MARCHF1: variants seen among roughly 807,000 people sequenced by gnomAD.
The protein encoded by MARCHF1 is membrane associated ring-CH-type finger 1.
MARCHF1 carries 40 observed loss-of-function variants against 54.2 expected under a neutral mutation model. The ratio of observed to expected loss-of-function variants is 0.74; its 90% CI spans 0.57 to 0.96. The LOEUF (loss-of-function observed/expected upper bound fraction) is 0.96. MARCHF1 is among the 40% of genes least tolerant of loss of function. MARCHF1 has a pLI of 0.00. For missense variants in MARCHF1, 586 were observed against 656.5 expected, an observed-to-expected ratio of 0.89 and a Z score of 1.17; for synonymous variants, 236 against 236.3, an observed-to-expected ratio of 1.00 and a Z score of 0.01.
chr4:163,797,253 T>C (rs1409030155), intron 4 of MARCHF1, among the ~76,000 whole-genome samples: 1 of 152,106 alleles, frequency 6.6e-6, no homozygotes, highest in Admixed American at 6.6e-5. Context: ...CCTTTGTAAG[T>C]GATCTGTCTT....
intron 1 of MARCHF1, among the ~76,000 whole-genome samples, chr4:164,119,101 A>G: frequency 6.6e-6 from 1 of 151,824 alleles, no homozygotes; most frequent in Non-Finnish European, 1.5e-5. Context: ...GTGAGAATTG[A>G]CTACACATTA....
At chr4:164,239,534 T>C (rs1213289850) in intron 1 of MARCHF1, among the ~76,000 whole-genome samples, 1 of 152,144 alleles carries the variant, frequency 6.6e-6, no homozygotes, top group African/African-American at 2.4e-5. Flanking sequence ...CCTTGACAAC[T>C]TTGATTTTCC....
rs386402121 is a variant in MARCHF1 at position 163,836,761 on chromosome 4, G to GCCA, written c.111+17257_111+17259dup. Reference sequence around the variant, plus strand: ...CCCAATAAACAGTGATACCAAGTGCGCCATTGGCAGCAAAGAGCACTGAGT... The same window carrying GCCA: ...CCCAATAAACAGTGATACCAAGTGCGCCACCATTGGCAGCAAAGAGCACTGAGT... On this transcript the variant is annotated intron_variant, in intron 4 of 9. Coordinates refer to ENST00000514618, the MANE Select transcript of MARCHF1 (RefSeq NM_001394959.1). Among the ~76,000 whole-genome samples, 6 of 148,174 alleles carry GCCA rather than the reference G, an allele frequency of 4.0e-5. No homozygotes were observed. The South Asian group carries it at 8.7e-4, about 21-fold the overall frequency.
At chr4:163,999,615 A>T (rs1293458891) in intron 2 of MARCHF1, among the ~76,000 whole-genome samples, 2 of 151,412 alleles carry the variant, frequency 1.3e-5, no homozygotes, top group Admixed American at 1.3e-4. Context: ...AAAGGATGCA[A>T]TTTTTCATAA....
At chr4:164,269,249 C>A (rs571649419) in intron 1 of MARCHF1, among the ~76,000 whole-genome samples, 10 of 152,212 alleles carry the variant, frequency 6.6e-5, no homozygotes, top group South Asian at 4.1e-4. Context: ...TTCTGCCCAC[C>A]CAGCACACTC....
chr4:163,528,225 T>A lies in MARCHF1; in HGVS notation c.*523A>T, dbSNP rs1224825742. 1 of 153,150 alleles carries A rather than the reference T, an allele frequency of 6.5e-6. No homozygotes were observed. Among genetic ancestry groups the A allele is most frequent in the Non-Finnish European group, 1.5e-5 (1 of 68,464 alleles). The allele number at this position is 153,150 out of a possible 1,614,324, so 9.5% of individuals were successfully genotyped here. On this transcript the variant is annotated 3_prime_UTR_variant, in exon 10 of 10. Coordinates refer to ENST00000514618, the MANE Select transcript of MARCHF1 (RefSeq NM_001394959.1). ...GACTCCACTAAACCATACAAATCTG[T>A]TAGCTGTCAAAGCATATCAAAATAT...
intron 1 of MARCHF1, among the ~76,000 whole-genome samples, chr4:164,344,524 T>C (rs2110856895): frequency 6.6e-6 from 1 of 152,182 alleles, no homozygotes; most frequent in East Asian, 1.9e-4. Flanking sequence ...AAGTGAAGAC[T>C]TTATCTGCAC....
intron 7 of MARCHF1, among the ~76,000 whole-genome samples, chr4:163,600,741 G>T (rs1433060088): frequency 6.6e-6 from 1 of 152,148 alleles, no homozygotes; most frequent in Non-Finnish European, 1.5e-5. Flanking sequence ...GTTAAAGTGG[G>T]CCTCAGAGGG....
chr4:163,978,481 C>T (rs1291498065), intron 3 of MARCHF1, among the ~76,000 whole-genome samples: 2 of 152,056 alleles, frequency 1.3e-5, no homozygotes, highest in South Asian at 2.1e-4. Context: ...TTTGAAGTCT[C>T]ATAACTTTAT....
intron 1 of MARCHF1, among the ~76,000 whole-genome samples, chr4:164,219,985 T>C (rs1388650487): frequency 1.3e-5 from 2 of 151,918 alleles, no homozygotes; most frequent in Non-Finnish European, 2.9e-5. Flanking sequence ...CCAAAGTTTA[T>C]AGTTTTATTG....
chr4:163,732,342 A>T (rs1399924812), intron 4 of MARCHF1, among the ~76,000 whole-genome samples: 1 of 152,114 alleles, frequency 6.6e-6, no homozygotes, highest in South Asian at 2.1e-4. Context: ...TAGTGCAAAC[A>T]TTTAAAGTGA....
intron 4 of MARCHF1, among the ~76,000 whole-genome samples, chr4:163,809,534 T>A (rs1490594974): frequency 6.6e-6 from 1 of 152,190 alleles, no homozygotes; most frequent in African/African-American, 2.4e-5. Context: ...TCTACTATTA[T>A]GAAGTCCTCC....
intron 2 of MARCHF1, among the ~76,000 whole-genome samples, chr4:164,085,489 CAGAT>C (rs1274755878): frequency 1.3e-5 from 2 of 151,730 alleles, no homozygotes; most frequent in African/African-American, 2.4e-5. Context: ...TCTGAATACT[CAGAT>C]AGAAGAAAAT....
intron 5 of MARCHF1, among the ~76,000 whole-genome samples, chr4:163,619,519 T>C (rs1256220660): frequency 6.6e-6 from 1 of 152,166 alleles, no homozygotes; most frequent in Non-Finnish European, 1.5e-5. Context: ...CTAAATGTAG[T>C]ATAATTCTAG....
chr4:163,897,429 A>G (rs534606028), intron 3 of MARCHF1, among the ~76,000 whole-genome samples: 4 of 152,278 alleles, frequency 2.6e-5, no homozygotes, highest in African/African-American at 9.6e-5. Flanking sequence ...CTAAGCAAAA[A>G]GAGCAAATCC....
At chr4:164,182,780 T>G (rs1216669704) in intron 1 of MARCHF1, among the ~76,000 whole-genome samples, 1 of 152,042 alleles carries the variant, frequency 6.6e-6, no homozygotes, top group Non-Finnish European at 1.5e-5. Context: ...AATTAGTAAT[T>G]TGATATTCTT....
chr4:164,141,979 C>G (rs1045844425), intron 1 of MARCHF1, among the ~76,000 whole-genome samples: 3 of 128,862 alleles, frequency 2.3e-5, no homozygotes, highest in African/African-American at 1.1e-4. Context: ...GTGAGCGAGC[C>G]AAAGTAGGGC....
Position 164,206,029 on chromosome 4 carries a change from A to G in MARCHF1, c.-322-94367T>C, listed in dbSNP as rs958483830. 5.1e-4 allele frequency among the ~76,000 whole-genome samples: 77 copies of G among 152,232 alleles called. 1 individual carries two copies. Among genetic ancestry groups the G allele is most frequent in the Admixed American group, 6.5e-5 (1 of 15,284 alleles). On this transcript the variant is annotated intron_variant, in intron 1 of 9. Transcript: ENST00000514618. ...CCTGAAATTGTAAATGACCCACTCT[A>G]TTAATCTATTCTATTCTATTTGGTA...
intron 1 of MARCHF1, among the ~76,000 whole-genome samples, chr4:164,251,480 C>T (rs529889908): frequency 6.6e-6 from 1 of 152,210 alleles, no homozygotes; most frequent in South Asian, 2.1e-4. Context: ...CCCACAGATG[C>T]CAAATTTTAG....
Sources: allele counts gnomAD v4.1 joint callset (sites outside exome capture counted in the v4.1 genomes callset), GRCh38; gene constraint gnomAD v4.1.1; transcripts MANE v1.5; gene names NCBI Gene and HGNC (gene_info 2026-07-23, HGNC 2026-07-21).